The following ARHGEF10 variants were observed in gnomAD, a reference collection of about 807,000 sequenced individuals.
ARHGEF10 encodes Rho guanine nucleotide exchange factor 10.
In ARHGEF10, 140 loss-of-function variants were observed where a neutral mutation model predicts 147.4. The ratio of observed to expected loss-of-function variants is 0.95; its 90% CI spans 0.83 to 1.09. The LOEUF is 1.09. Ranked by LOEUF, ARHGEF10 falls within the 50% of genes least tolerant of loss-of-function variation. The pLI is 0.00. For synonymous variants in ARHGEF10, 902 were observed against 695.8 expected (o/e 1.30, Z -4.67); for missense variants, 2,222 against 1,752.7 (o/e 1.27, Z -4.78).
At chr8:1,928,049 T>G (rs1362726633) in intron 23 of ARHGEF10, among the ~76,000 whole-genome samples, 1 of 152,252 alleles carries the variant, frequency 6.6e-6, no homozygotes, top group Non-Finnish European at 1.5e-5. Flanking sequence ...GTTTATTTTC[T>G]TAGCCTAGGT....
intron 23 of ARHGEF10, among the ~76,000 whole-genome samples, chr8:1,927,848 G>C (rs540418510): frequency 4.4e-4 from 67 of 152,162 alleles, no homozygotes; most frequent in Non-Finnish European, 8.2e-4. Context: ...GGCTGAGGTG[G>C]CAGAATCGCT....
At chr8:1,823,596 C>G (rs556351785), upstream of ARHGEF10, among the ~76,000 whole-genome samples, 1 of 151,976 alleles carries the variant, frequency 6.6e-6, no homozygotes, top group South Asian at 2.1e-4. Flanking sequence ...GGAGCAGGCT[C>G]TGCGGGGAGG....
intron 1 of ARHGEF10, among the ~76,000 whole-genome samples, chr8:1,832,929 G>GA (rs1358361995): frequency 4.4e-5 from 5 of 113,868 alleles, no homozygotes; most frequent in African/African-American, 1.1e-4. Context: ...CAGAGACAGA[G>GA]GCAGAGACAG....
rs1809785496 is a variant in ARHGEF10, at chr8:1,894,256, G to A, written c.1261-137G>A. 32 of 804,728 alleles carry A rather than the reference G, an allele frequency of 4.0e-5. 1 individual carries two copies. The South Asian group carries it at 4.9e-4, about 12-fold the overall frequency. 49.8% of individuals were successfully genotyped at this position (804,728 alleles called of 1,614,324 possible). Reference sequence around the variant, plus strand: ...TCCCAGTTACTTGGGAGGCTGAGGTGGGAGGATGGCTTGAGCCCAGGAGTT... The same window carrying A: ...TCCCAGTTACTTGGGAGGCTGAGGTAGGAGGATGGCTTGAGCCCAGGAGTT... On this transcript the variant is annotated intron_variant, in intron 12 of 28. Coordinates refer to ENST00000349830, the MANE Select transcript of ARHGEF10 (RefSeq NM_014629.4).
chr8:1,913,312 G>T (rs908586190), intron 18 of ARHGEF10, among the ~76,000 whole-genome samples: 3 of 152,146 alleles, frequency 2.0e-5, no homozygotes, highest in Non-Finnish European at 4.4e-5. Flanking sequence ...GTGTGTGTGT[G>T]TGCACTTTTA....
At chr8:1,951,025 A>C (rs1815002251) in intron 27 of ARHGEF10, among the ~76,000 whole-genome samples, 1 of 152,040 alleles carries the variant, frequency 6.6e-6, no homozygotes, top group African/African-American at 2.4e-5. Flanking sequence ...CCCTGCTCCC[A>C]CAGCGGGGCT....
chr8:1,840,137 GCTGTCTGGTGTGGGGA>G (rs1803903641), intron 1 of ARHGEF10, among the ~76,000 whole-genome samples: 3 of 126,302 alleles, frequency 2.4e-5, no homozygotes, highest in East Asian at 2.7e-4. Flanking sequence ...CTGTGTGGAA[GCTGTCTGGTGTGGGGA>G]CTGTCCGGTG....
At chr8:1,879,846 C>G (rs931726173) in intron 8 of ARHGEF10, among the ~76,000 whole-genome samples, 3 of 152,102 alleles carry the variant, frequency 2.0e-5, no homozygotes, top group African/African-American at 7.2e-5. Context: ...AGCCACTGCG[C>G]CCAGCCAACT....
At chr8:1,909,519 T>C (rs982579936) in intron 18 of ARHGEF10, 49 bp downstream of exon 18, 1 of 1,609,408 alleles carries the variant, frequency 6.2e-7, no homozygotes, top group African/African-American at 1.3e-5. Flanking sequence ...AGGGTAACTC[T>C]CACGTTCATG....
chr8:1,914,559 C>T (rs540950250), intron 18 of ARHGEF10, among the ~76,000 whole-genome samples: 7 of 152,346 alleles, frequency 4.6e-5, no homozygotes, highest in East Asian at 1.9e-4. Flanking sequence ...GAGTGAACTT[C>T]GTTTTGAAGG....
chr8:1,889,463 TC>T (rs1266539299), intron 11 of ARHGEF10, among the ~76,000 whole-genome samples: 3 of 39,474 alleles, frequency 7.6e-5, no homozygotes, highest in Non-Finnish European at 8.7e-5. Flanking sequence ...GGGTGAGGGG[TC>T]TGTGAGGAGA....
rs544101498 is a variant in ARHGEF10, at chr8:1,904,560, A to G, written c.1822-1011A>G. 2.0e-5 allele frequency among the ~76,000 whole-genome samples: 3 copies of G among 152,306 alleles called. No individual in the cohort carries two copies. In the South Asian group the frequency reaches 6.2e-4, roughly 32 times the overall value. ...TTCAGTTATATTCTTGACATGGTTC[A>G]TGTTATTTAAAATCATGCTCCCTGT... On this transcript the variant is annotated intron_variant, in intron 16 of 28. Coordinates refer to ENST00000349830, the MANE Select transcript of ARHGEF10 (RefSeq NM_014629.4).
chr8:1,840,806 C>T (rs1803972527), intron 1 of ARHGEF10, among the ~76,000 whole-genome samples: 1 of 152,216 alleles, frequency 6.6e-6, no homozygotes, highest in Non-Finnish European at 1.5e-5. Flanking sequence ...CATCCTTTGT[C>T]ATCCTGTGGA....
chr8:1,935,472 G>A (rs182307494), intron 26 of ARHGEF10, among the ~76,000 whole-genome samples: 16 of 150,868 alleles, frequency 1.1e-4, no homozygotes, highest in East Asian at 5.8e-4. Flanking sequence ...CCCCAGTCTC[G>A]GCAACCACTG....
chr8:1,909,431 C>G lies in ARHGEF10; in HGVS notation c.2104C>G (p.Pro702Ala). The G allele has an allele frequency of 1.2e-6, 2 of 1,614,098 alleles. No individual in the cohort carries two copies. The highest frequency in any genetic ancestry group is 4.5e-5 in the East Asian group (2 of 44,884). The change falls in exon 18 of 29, where the codon CCG becomes GCG. Residue 702 changes from proline to alanine, a missense_variant. By Grantham distance (27) the Pro-to-Ala change is conservative. Transcript: ENST00000349830. Reference sequence around the variant, plus strand: ...GCACAGCAGGCACCTTGCCGTTCACCCGCCGGAGAGCCTGGCCGTGGTTGC... The same window carrying G: ...GCACAGCAGGCACCTTGCCGTTCACGCGCCGGAGAGCCTGGCCGTGGTTGC... ...GEHSRHLAVH[P>A]PESLAVVANA...
At chr8:1,882,213 G>A (rs1265551568) in intron 9 of ARHGEF10, among the ~76,000 whole-genome samples, 1 of 152,252 alleles carries the variant, frequency 6.6e-6, no homozygotes, top group East Asian at 1.9e-4. Context: ...TCAACAGCTG[G>A]CCATGCCCCC....
At chr8:1,914,199 T>C (rs1346986082) in intron 18 of ARHGEF10, among the ~76,000 whole-genome samples, 1 of 152,212 alleles carries the variant, frequency 6.6e-6, no homozygotes, top group Non-Finnish European at 1.5e-5. Context: ...CCTCCTGAAG[T>C]AGAAGGCAGC....
intron 1 of ARHGEF10, among the ~76,000 whole-genome samples, chr8:1,831,872 TG>T (rs1467631701): frequency 5.9e-5 from 9 of 152,186 alleles, no homozygotes; most frequent in African/African-American, 1.9e-4. Flanking sequence ...GCTGTGGCCC[TG>T]GGTCAGGAGT....
intron 2 of ARHGEF10, among the ~76,000 whole-genome samples, chr8:1,849,938 G>A (rs60698967): frequency 7.1e-3 from 764 of 107,012 alleles, no homozygotes; most frequent in East Asian, 0.016. Flanking sequence ...GGCCGGCTGC[G>A]TGGACACAGA....
Sources: allele counts gnomAD v4.1 joint callset (sites outside exome capture counted in the v4.1 genomes callset), GRCh38; gene constraint gnomAD v4.1.1; transcripts MANE v1.5; gene names NCBI Gene and HGNC (gene_info 2026-07-23, HGNC 2026-07-21).